Variants in SYCP2L observed in about 807,000 individuals in gnomAD.
SYCP2L encodes the protein synaptonemal complex protein 2-like.
A neutral mutation model predicts 125.8 loss-of-function variants in SYCP2L; 98 were observed. The observed-to-expected ratio is 0.78, with a 90% confidence interval of 0.66 to 0.92. The LOEUF is 0.92. SYCP2L is among the 40% of genes least tolerant of loss of function. The probability of loss-of-function intolerance (pLI) is 0.00; values close to 1 mark genes in which losing one functional copy is unlikely to be tolerated. For missense variants in SYCP2L, 842 were observed against 936.4 expected, an observed-to-expected ratio of 0.90 and a Z score of 1.32; for synonymous variants, 317 against 325.4, an observed-to-expected ratio of 0.97 and a Z score of 0.28.
intron 14 of SYCP2L, among the ~76,000 whole-genome samples, chr6:10,922,312 A>G (rs1289118804): frequency 6.6e-6 from 1 of 152,086 alleles, no homozygotes; most frequent in African/African-American, 2.4e-5. Flanking sequence ...ATTGTCTAGT[A>G]AATTCCGTAA....
rs544144877 is a variant in SYCP2L at position 10,887,120 on chromosome 6, C to G, written c.-7C>G. 2 of 1,614,120 alleles carry G rather than the reference C, an allele frequency of 1.2e-6. No individual in the cohort carries two copies. The highest frequency in any genetic ancestry group is 1.7e-6 in the Non-Finnish European group (2 of 1,179,990). ...GCGCGTCGCTTCAGGAACGAAGAAG[C>G]CTCGTTATGCAAGCGGTGAGTGACC... On this transcript the variant is annotated 5_prime_UTR_variant, in exon 1 of 30. Coordinates refer to ENST00000283141, the MANE Select transcript of SYCP2L (RefSeq NM_001040274.3).
At chr6:10,899,545 C>CA (rs898446307) in intron 6 of SYCP2L, among the ~76,000 whole-genome samples, 1 of 151,376 alleles carries the variant, frequency 6.6e-6, no homozygotes, top group Non-Finnish European at 1.5e-5. Flanking sequence ...GATCCTGTCT[C>CA]AAAAAAAAGT....
intron 15 of SYCP2L, among the ~76,000 whole-genome samples, chr6:10,925,174 G>A (rs1490914127): frequency 6.6e-6 from 1 of 152,146 alleles, no homozygotes; most frequent in Non-Finnish European, 1.5e-5. Flanking sequence ...GAGAGTAGGG[G>A]AACTCCCCTT....
intron 29 of SYCP2L, among the ~76,000 whole-genome samples, chr6:10,971,325 G>T (rs895976378): frequency 2.6e-5 from 4 of 151,884 alleles, no homozygotes; most frequent in Non-Finnish European, 5.9e-5. Flanking sequence ...GGGTGTGGTG[G>T]CACGAGGCTG....
intron 29 of SYCP2L, among the ~76,000 whole-genome samples, chr6:10,972,044 T>C (rs1781783652): frequency 6.6e-6 from 1 of 152,208 alleles, no homozygotes; most frequent in Non-Finnish European, 1.5e-5. Flanking sequence ...GCAATAAAAA[T>C]AGGACTCGCC....
intron 23 of SYCP2L, among the ~76,000 whole-genome samples, chr6:10,951,537 A>G (rs1399929545): frequency 1.3e-5 from 2 of 152,254 alleles, no homozygotes; most frequent in Admixed American, 6.5e-5. Flanking sequence ...TGAGTTATCC[A>G]TTCTTAACTG....
intron 1 of SYCP2L, among the ~76,000 whole-genome samples, chr6:10,890,472 C>A (rs368685687): frequency 5.3e-5 from 8 of 152,034 alleles, no homozygotes; most frequent in Non-Finnish European, 1.2e-4. Flanking sequence ...TTTTCATATA[C>A]CTGTTGGTCA....
rs981742770 is a variant in SYCP2L at position 10,954,721 on chromosome 6, C to T, written c.1955-395C>T. Among the ~76,000 whole-genome samples, 1 of 152,164 alleles carries T rather than the reference C, an allele frequency of 6.6e-6. No homozygotes were observed. Among genetic ancestry groups the T allele is most frequent in the East Asian group, 1.9e-4 (1 of 5,186 alleles). ...GTGCCCGTGTCACCAGCAGATGGCG[C>T]GCTCCGGGGTGTGAGCTGAAGCACT... On this transcript the variant is annotated intron_variant, in intron 23 of 29. Transcript: ENST00000283141. The surrounding 1 kb of genome is among the most constrained non-coding windows in gnomAD (Gnocchi z 4.8).
Position 10,928,399 on chromosome 6 carries a change from A to T in SYCP2L, c.1441-4A>T. The T allele has an allele frequency of 1.4e-6, 2 of 1,457,560 alleles. No individual in the cohort carries two copies. Among genetic ancestry groups the T allele is most frequent in the South Asian group, 1.2e-5 (1 of 83,502 alleles). 90.3% of individuals were successfully genotyped at this position (1,457,560 alleles called of 1,614,324 possible). ...TCTTCACAATCCACGTTCTTCTGCC[A>T]TAGCTTCAGCCGGTCCCTCCGTTCG... is the stretch of plus-strand genomic sequence containing the variant. On this transcript the variant is annotated splice_region_variant and splice_polypyrimidine_tract_variant and intron_variant, in intron 17 of 29. Coordinates refer to ENST00000283141, the MANE Select transcript of SYCP2L (RefSeq NM_001040274.3).
intron 26 of SYCP2L, among the ~76,000 whole-genome samples, chr6:10,959,617 C>T (rs982759269): frequency 4.6e-5 from 7 of 152,134 alleles, no homozygotes; most frequent in African/African-American, 1.7e-4. Flanking sequence ...CGCCTGTAAT[C>T]CCGGTACTTT....
At chr6:10,948,192 T>C (rs1433692997) in intron 23 of SYCP2L, among the ~76,000 whole-genome samples, 1 of 152,116 alleles carries the variant, frequency 6.6e-6, no homozygotes, top group African/African-American at 2.4e-5. Flanking sequence ...TGTGTGTGTA[T>C]GCGTGTGTTA....
chr6:10,890,317 A>G (rs1263604175), intron 1 of SYCP2L, among the ~76,000 whole-genome samples: 1 of 152,184 alleles, frequency 6.6e-6, no homozygotes, highest in African/African-American at 2.4e-5. Context: ...ATTCCTACCA[A>G]CAGTGTACAA....
At chr6:10,899,759 C>T (rs1421950883) in intron 6 of SYCP2L, among the ~76,000 whole-genome samples, 1 of 152,168 alleles carries the variant, frequency 6.6e-6, no homozygotes, top group Admixed American at 6.5e-5. Flanking sequence ...GAAGCTTAAG[C>T]ATGCCCTGTG....
chr6:10,961,600 G>A lies in SYCP2L; in HGVS notation c.2414+42G>A, dbSNP rs58856653. The A allele has an allele frequency of 3.1e-3, 4,889 of 1,597,096 alleles. 115 individuals are homozygous for A. The African/African-American group carries it at 0.055, about 18-fold the overall frequency. Reference sequence around the variant, plus strand: ...TCTTTCTAGAAGAATCTTGGTTGAAGTATGAGGTAATGCTTTAGCTAGAGA... The same window carrying A: ...TCTTTCTAGAAGAATCTTGGTTGAAATATGAGGTAATGCTTTAGCTAGAGA... On this transcript the variant is annotated intron_variant, in intron 28 of 29. Transcript: ENST00000283141.
At chr6:10,891,418 ATTTTTTT>A (rs61237589) in intron 1 of SYCP2L, 88 bp from the exon 2 acceptor site, 188 of 473,802 alleles carry the variant, frequency 4.0e-4, no homozygotes, top group East Asian at 5.7e-4. Flanking sequence ...CAAACCTTTA[ATTTTTTT>A]TTTTTTTTTT....
At chr6:10,930,175 C>A in intron 18 of SYCP2L, 195 bp from the exon 19 acceptor site, 1 of 482,920 alleles carries the variant, frequency 2.1e-6, no homozygotes, top group Non-Finnish European at 3.5e-6. Flanking sequence ...TATACAACAG[C>A]AACTTGGTTG....
intron 15 of SYCP2L, among the ~76,000 whole-genome samples, 196 bp from the exon 16 acceptor site, chr6:10,926,143 C>G (rs1399129795): frequency 6.6e-6 from 1 of 152,010 alleles, no homozygotes; most frequent in East Asian, 1.9e-4. Flanking sequence ...ATGGCTAGCC[C>G]GAGCTGGTCC....
At chr6:10,960,077 G>A in intron 26 of SYCP2L, among the ~76,000 whole-genome samples, 1 of 152,260 alleles carries the variant, frequency 6.6e-6, no homozygotes, top group Middle Eastern at 3.4e-3. Context: ...CAATGGAAGT[G>A]CTTCCTGAGT....
At chr6:10,900,358 CTT>C (rs1241224571) in intron 6 of SYCP2L, among the ~76,000 whole-genome samples, 10 of 127,930 alleles carry the variant, frequency 7.8e-5, no homozygotes, top group Non-Finnish European at 1.1e-4. Flanking sequence ...CTTTTCTTTT[CTT>C]TTTTTTTTTT....
Sources: gnomAD v4.1 joint callset for allele counts (sites outside exome capture counted in the v4.1 genomes callset) on GRCh38, gnomAD v4.1.1 for gene constraint, Gnocchi (gnomAD v3.1) non-coding constraint, MANE v1.5 for transcripts, NCBI Gene and HGNC (gene_info 2026-07-23, HGNC 2026-07-21) for gene names.